The following RAPGEF2 variants were observed in gnomAD, a reference collection of about 807,000 sequenced individuals.
The protein encoded by RAPGEF2 is Rap guanine nucleotide exchange factor 2, also known as PDZ domain containing guanine nucleotide exchange factor (GEF) 1.
In RAPGEF2, 54 loss-of-function variants were observed where a neutral mutation model predicts 186.7. The observed-to-expected ratio is 0.29, with a 90% CI of 0.23 to 0.36. The LOEUF is 0.36. Among genes scored for constraint, RAPGEF2 ranks in the 10% least tolerant of loss-of-function variants. The pLI is 1.00. For missense variants in RAPGEF2, 1,532 were observed against 2,045.0 expected, an observed-to-expected ratio of 0.75 and a Z score of 4.84; for synonymous variants, 712 against 705.9, an observed-to-expected ratio of 1.01 and a Z score of -0.14.
At chr4:159,194,523 A>G (rs553780099) in intron 3 of RAPGEF2, among the ~76,000 whole-genome samples, 17 of 152,174 alleles carry the variant, frequency 1.1e-4, no homozygotes, top group Non-Finnish European at 2.2e-4. Flanking sequence ...CCCAGCTCCA[A>G]CTGGATGATT....
At chr4:159,339,442 T>C in intron 19 of RAPGEF2, 88 bp downstream of exon 19, 1 of 1,444,590 alleles carries the variant, frequency 6.9e-7, no homozygotes. Flanking sequence ...CAAAGTGTTT[T>C]TTAAATGAGT....
chr4:159,141,868 T>C (rs886607534), intron 1 of RAPGEF2, among the ~76,000 whole-genome samples: 1 of 152,208 alleles, frequency 6.6e-6, no homozygotes, highest in Non-Finnish European at 1.5e-5. Context: ...ACTTCAGTTA[T>C]AAATAATTTA....
chr4:159,243,778 G>T lies in RAPGEF2; in HGVS notation c.530G>T (p.Cys177Phe). 1 of 1,282,930 alleles carries T rather than the reference G, an allele frequency of 7.8e-7. No homozygotes were observed. The highest frequency in any genetic ancestry group is 1.0e-6 in the Non-Finnish European group (1 of 982,732). The allele number at this position is 1,282,930 out of a possible 1,614,324, so 79.5% of individuals were successfully genotyped here. A position where few individuals can be genotyped will look rare whatever the true frequency, so the allele number is the denominator to read the frequency against. ...TCATTTCATTTTGGCTCAAAGGAAT[G>T]CACTAAATCTCAGGTATTGTAATTT... ...PPLPRGYHTE[C>F]TKSQLPADFT... The change falls in exon 7 of 30, where the codon TGC becomes TTC. Residue 177 changes from cysteine to phenylalanine, a missense_variant. Coordinates refer to ENST00000691494, the MANE Select transcript of RAPGEF2 (RefSeq NM_001394067.2).
intron 3 of RAPGEF2, among the ~76,000 whole-genome samples, chr4:159,194,867 G>T (rs1186548066): frequency 6.6e-6 from 1 of 152,152 alleles, no homozygotes; most frequent in Non-Finnish European, 1.5e-5. Flanking sequence ...ACCTGTGGTT[G>T]TATGAAAATA....
intron 3 of RAPGEF2, among the ~76,000 whole-genome samples, chr4:159,193,516 C>A (rs1186258613): frequency 6.6e-6 from 1 of 152,080 alleles, no homozygotes; most frequent in African/African-American, 2.4e-5. Flanking sequence ...AGTATTTTGA[C>A]ATTTTTATTA....
chr4:159,126,944 C>T (rs973819844), intron 1 of RAPGEF2, among the ~76,000 whole-genome samples: 1 of 152,234 alleles, frequency 6.6e-6, no homozygotes, highest in Non-Finnish European at 1.5e-5. Context: ...TCTGGGTAAA[C>T]TGCTCCTACG....
intron 7 of RAPGEF2, among the ~76,000 whole-genome samples, chr4:159,281,671 CAAAAAAAAA>C (rs11346544): frequency 8.2e-5 from 7 of 85,164 alleles, no homozygotes; most frequent in Admixed American, 7.2e-4. Flanking sequence ...AACTTGATTT[CAAAAAAAAA>C]AAAAAAAAAA....
intron 1 of RAPGEF2, among the ~76,000 whole-genome samples, chr4:159,145,070 A>G (rs74988887): frequency 1.1e-3 from 167 of 151,822 alleles, no homozygotes; most frequent in African/African-American, 4.0e-3. Context: ...TGGTATAGAC[A>G]GGATTTCACC....
At chr4:159,269,883 C>T (rs1757899091) in intron 7 of RAPGEF2, among the ~76,000 whole-genome samples, 1 of 152,064 alleles carries the variant, frequency 6.6e-6, no homozygotes. Context: ...CGTTCACTGC[C>T]AGGAGGAGGA....
intron 8 of RAPGEF2, among the ~76,000 whole-genome samples, chr4:159,307,806 T>C (rs887577072): frequency 2.0e-5 from 3 of 152,082 alleles, no homozygotes; most frequent in Non-Finnish European, 2.9e-5. Context: ...ACCCCATCTC[T>C]ACTAAAATAC....
rs946187808 is a variant in RAPGEF2, at chr4:159,312,747, A to G, written c.676-1844A>G. ...TTGTACCTAAAGAGCAGAAAATGTG[A>G]TAAAACTCATTGTTAACACATGCTT... On this transcript the variant is annotated intron_variant, in intron 8 of 29. Coordinates refer to ENST00000691494, the MANE Select transcript of RAPGEF2 (RefSeq NM_001394067.2). Among the ~76,000 whole-genome samples, 4 of 152,234 alleles carry G rather than the reference A, an allele frequency of 2.6e-5. No individual in the cohort carries two copies. In the South Asian group the frequency reaches 6.2e-4, roughly 24 times the overall value.
chr4:159,156,069 G>A lies in RAPGEF2; in HGVS notation c.70-30573G>A, dbSNP rs116443833. Among the ~76,000 whole-genome samples, 1,488 of 152,210 alleles carry A rather than the reference G, an allele frequency of 9.8e-3. 28 individuals are homozygous for A. Among genetic ancestry groups the A allele is most frequent in the African/African-American group, 0.034 (1,414 of 41,506 alleles). ...ACTTGTTATGTCTCAATTTCTGTAG[G>A]TCAGGGAACTAAGGATGGCTTAGCA... On this transcript the variant is annotated intron_variant, in intron 1 of 29. Transcript: ENST00000691494.
chr4:159,226,378 C>A (rs1035451065), intron 4 of RAPGEF2, among the ~76,000 whole-genome samples: 1 of 152,262 alleles, frequency 6.6e-6, no homozygotes, highest in East Asian at 1.9e-4. Context: ...GTTCTTCCAC[C>A]AATACCACAT....
intron 1 of RAPGEF2, among the ~76,000 whole-genome samples, chr4:159,175,631 T>C (rs1389355225): frequency 6.6e-6 from 1 of 152,190 alleles, no homozygotes; most frequent in Admixed American, 6.5e-5. Flanking sequence ...AGGAATGCTT[T>C]AAACCCCCAT....
chr4:159,330,228 C>T, intron 12 of RAPGEF2, 106 bp from the exon 13 acceptor site: 1 of 850,846 alleles, frequency 1.2e-6, no homozygotes. Context: ...AATCCCAGTA[C>T]CATATAAATG....
intron 2 of RAPGEF2, among the ~76,000 whole-genome samples, chr4:159,187,210 C>A (rs1217818880): frequency 6.6e-6 from 1 of 152,160 alleles, no homozygotes; most frequent in Non-Finnish European, 1.5e-5. Flanking sequence ...TCAATTGTAT[C>A]CAGTAAGAGA....
At chr4:159,283,582 T>C (rs1042146989) in intron 7 of RAPGEF2, among the ~76,000 whole-genome samples, 3 of 152,194 alleles carry the variant, frequency 2.0e-5, no homozygotes, top group Admixed American at 2.0e-4. Context: ...AAATGAATTA[T>C]CTAATGCCAA....
chr4:159,140,939 C>T (rs902235095), intron 1 of RAPGEF2, among the ~76,000 whole-genome samples: 1 of 151,686 alleles, frequency 6.6e-6, no homozygotes, highest in African/African-American at 2.4e-5. Flanking sequence ...TCAAGTGATT[C>T]TCCTGCCTCG....
At chr4:159,295,750 TG>T (rs1761907793) in intron 7 of RAPGEF2, among the ~76,000 whole-genome samples, 3 of 104,520 alleles carry the variant, frequency 2.9e-5, no homozygotes, top group Non-Finnish European at 4.2e-5. Flanking sequence ...TGTGTGTGTG[TG>T]TGTGCGCGCG....
Sources: gnomAD v4.1 joint callset for allele counts (sites outside exome capture counted in the v4.1 genomes callset) on GRCh38, gnomAD v4.1.1 for gene constraint, MANE v1.5 for transcripts, NCBI Gene and HGNC (gene_info 2026-07-23, HGNC 2026-07-21) for gene names.